Variants in DNM1L observed in about 807,000 individuals in gnomAD.
DNM1L encodes the protein dynamin 1L.
Under a neutral mutation model 92.8 loss-of-function variants are expected in DNM1L, and 33 were observed. The ratio of observed to expected loss-of-function variants is 0.36; its 90% CI spans 0.27 to 0.48. The LOEUF (loss-of-function observed/expected upper bound fraction) is 0.48, where lower values mean the gene tolerates loss of function less well. DNM1L is among the 20% of genes least tolerant of loss of function. The pLI is 0.99. For synonymous variants in DNM1L, 284 were observed against 305.0 expected (o/e 0.93, Z 0.72); for missense variants, 485 against 888.8 (o/e 0.55, Z 5.78).
At chr12:32,742,497 A>C (rs1955378074) in intron 18 of DNM1L, 92 bp from the exon 19 acceptor site, 2 of 1,470,446 alleles carry the variant, frequency 1.4e-6, no homozygotes, top group Non-Finnish European at 1.9e-6. Context: ...TAGTGTTCTT[A>C]CTTAACTTTA....
Position 32,684,665 on chromosome 12 carries a change from T to C in DNM1L, c.102+5200T>C, listed in dbSNP as rs182711613. Among the ~76,000 whole-genome samples, 270 of 152,224 alleles carry C rather than the reference T, an allele frequency of 1.8e-3. 4 individuals carry two copies. Among genetic ancestry groups the C allele is most frequent in the Admixed American group, 0.014 (217 of 15,280 alleles). On this transcript the variant is annotated intron_variant, in intron 1 of 19. Transcript: ENST00000549701. ...TGTATTTTTAGTAGAGACGAGGTTT[T>C]GCCATGTTGGCCAGGCTGGTCTCGA...
chr12:32,687,743 C>G (rs11052174), intron 1 of DNM1L, among the ~76,000 whole-genome samples: 11,293 of 151,840 alleles, frequency 0.074, 443 homozygotes, highest in Middle Eastern at 0.11. Context: ...AGCCACCATG[C>G]CTGGCCAGCC....
rs188906236 is a variant in DNM1L, at chr12:32,698,932, G to A, written c.103-2483G>A. Among the ~76,000 whole-genome samples, 1,123 of 152,038 alleles carry A rather than the reference G, an allele frequency of 7.4e-3. 8 individuals carry two copies. The highest frequency in any genetic ancestry group is 0.031 in the Middle Eastern group (9 of 294). On this transcript the variant is annotated intron_variant, in intron 1 of 19. Coordinates refer to ENST00000549701, the MANE Select transcript of DNM1L (RefSeq NM_012062.5). ...CTCGGGAGGCAGAGGTGGCCTGAGG[G>A]TCTCTTGAGGCCAGAAGTTAGAGGC...
At chr12:32,732,610 T>C (rs1954624553) in intron 12 of DNM1L, 1 of 455,520 alleles carries the variant, frequency 2.2e-6, no homozygotes, top group Non-Finnish European at 4.4e-6. Context: ...ATCCTTGGAA[T>C]GTAAGTGCTG....
chr12:32,730,131 C>T (rs139487270), intron 9 of DNM1L, among the ~76,000 whole-genome samples: 3,087 of 152,082 alleles, frequency 0.02, 102 homozygotes, highest in African/African-American at 0.071. Context: ...TTTGGGAGGC[C>T]GAGGTGGGCA....
At chr12:32,733,277 C>T (rs1592668865) in intron 12 of DNM1L, among the ~76,000 whole-genome samples, 1 of 152,030 alleles carries the variant, frequency 6.6e-6, no homozygotes, top group Admixed American at 6.5e-5. Flanking sequence ...TATCCTTTAC[C>T]CAAATAAGTT....
chr12:32,683,966 G>T (rs960675924), intron 1 of DNM1L, among the ~76,000 whole-genome samples: 2 of 152,166 alleles, frequency 1.3e-5, no homozygotes, highest in African/African-American at 4.8e-5. Context: ...GAGCCACCAT[G>T]CCCGGCCAGT....
At chr12:32,722,281 G>C (rs1953846014) in intron 8 of DNM1L, 146 bp from the exon 9 acceptor site, 1 of 717,780 alleles carries the variant, frequency 1.4e-6, no homozygotes, top group African/African-American at 1.8e-5. Flanking sequence ...AGGAAATGAA[G>C]ACAAAGACCA....
rs1955381314 is a variant in DNM1L, at chr12:32,742,537, T to TG, written c.1995-51dup. 46 of 1,611,830 alleles carry TG rather than the reference T, an allele frequency of 2.9e-5. No homozygotes were observed. The South Asian group carries it at 4.9e-4, about 17-fold the overall frequency. Reference sequence around the variant, plus strand: ...ATGAGGTTAGCATCTAAGCCCAAATTGTTAAAAGTAGAATTTTGGCTAAAA... The same window carrying TG: ...ATGAGGTTAGCATCTAAGCCCAAATTGGTTAAAAGTAGAATTTTGGCTAAAA... On this transcript the variant is annotated intron_variant, in intron 18 of 19. Transcript: ENST00000549701.
chr12:32,715,654 C>T (rs191931759), intron 6 of DNM1L, among the ~76,000 whole-genome samples: 122 of 152,216 alleles, frequency 8.0e-4, no homozygotes, highest in Middle Eastern at 3.4e-3. Context: ...ATCACTTGAA[C>T]TGTGGAGGCG....
At chr12:32,699,434 A>G (rs1158433394) in intron 1 of DNM1L, among the ~76,000 whole-genome samples, 1 of 152,224 alleles carries the variant, frequency 6.6e-6, no homozygotes, top group Non-Finnish European at 1.5e-5. Flanking sequence ...TCACTAAAGG[A>G]GAAATACAGA....
At chr12:32,735,657 G>C (rs1207671830) in intron 13 of DNM1L, among the ~76,000 whole-genome samples, 1 of 152,102 alleles carries the variant, frequency 6.6e-6, no homozygotes, top group Non-Finnish European at 1.5e-5. Flanking sequence ...GAGGCAGGCT[G>C]ATCACCTGAG....
At position 32,745,627 on chromosome 12, in the gene DNM1L, A is replaced by G. The variant is rs561110097; in HGVS notation, c.*2217A>G. ...AAAGGAGCTTTTTAATACCTAATCT[A>G]CTTTGGAACATAACCGTATAGAGTA... On this transcript the variant is annotated 3_prime_UTR_variant, in exon 20 of 20. Coordinates refer to ENST00000549701, the MANE Select transcript of DNM1L (RefSeq NM_012062.5). 3.3e-5 allele frequency: 5 copies of G among 152,430 alleles called. No homozygotes were observed. The South Asian group carries it at 6.2e-4, about 19-fold the overall frequency. The allele number at this position is 152,430 out of a possible 1,614,324, so 9.4% of individuals were successfully genotyped here.
chr12:32,683,956 G>A (rs114507355), intron 1 of DNM1L, among the ~76,000 whole-genome samples: 1,528 of 152,298 alleles, frequency 0.01, 31 homozygotes, highest in African/African-American at 0.034. Flanking sequence ...TAACAGGTAT[G>A]AGCCACCATG....
chr12:32,700,549 C>A (rs1288367441), intron 1 of DNM1L, among the ~76,000 whole-genome samples: 2 of 151,978 alleles, frequency 1.3e-5, no homozygotes, highest in East Asian at 3.9e-4. Flanking sequence ...GAGTTTGAGA[C>A]AAGCCTAGGC....
intron 2 of DNM1L, chr12:32,705,613 C>T: frequency 4.4e-6 from 2 of 455,120 alleles, no homozygotes; most frequent in South Asian, 9.8e-5. Flanking sequence ...ATATACATCC[C>T]TCTAATTCTA....
intron 1 of DNM1L, among the ~76,000 whole-genome samples, chr12:32,696,378 ACACAAACAC>A (rs1490320695): frequency 3.5e-4 from 30 of 85,706 alleles, no homozygotes; most frequent in African/African-American, 1.0e-3. Context: ...CTACACACAC[ACACAAACAC>A]ACACACACAC....
chr12:32,737,681 A>G lies in DNM1L; in HGVS notation c.1597-184A>G, dbSNP rs1199613474. 6 of 585,004 alleles carry G rather than the reference A, an allele frequency of 1.0e-5. No individual in the cohort carries two copies. In the Admixed American group the frequency reaches 1.5e-4, roughly 14 times the overall value. 36.2% of individuals were successfully genotyped at this position (585,004 alleles called of 1,614,324 possible). On this transcript the variant is annotated intron_variant, in intron 14 of 19. Transcript: ENST00000549701. ...TTTTCTTATGTATTCATCTGAAGGAAACTTTTAACAAAGGTGACAATGGTG... is the reference window on the plus strand; with the variant it reads ...TTTTCTTATGTATTCATCTGAAGGAGACTTTTAACAAAGGTGACAATGGTG...
At chr12:32,730,531 T>C (rs1045256423) in intron 9 of DNM1L, among the ~76,000 whole-genome samples, 3 of 152,232 alleles carry the variant, frequency 2.0e-5, no homozygotes, top group Admixed American at 1.3e-4. Context: ...GCTATACTTA[T>C]TTATTTACAT....
Sources: allele counts gnomAD v4.1 joint callset (sites outside exome capture counted in the v4.1 genomes callset), GRCh38; gene constraint gnomAD v4.1.1; transcripts MANE v1.5; gene names NCBI Gene and HGNC (gene_info 2026-07-23, HGNC 2026-07-21).